Variants in CLEC10A observed in about 807,000 individuals in gnomAD.
CLEC10A encodes C-type lectin domain family 10 member A.
CLEC10A carries 38 observed loss-of-function variants against 42.0 expected under a neutral mutation model. The observed-to-expected ratio is 0.90, with a 90% confidence interval of 0.70 to 1.18. The LOEUF is 1.18. Among genes scored for constraint, CLEC10A ranks in the 50% most tolerant of loss-of-function variants. The probability of loss-of-function intolerance (pLI) is 0.00; values close to 1 mark genes in which losing one functional copy is unlikely to be tolerated. For synonymous variants in CLEC10A, 126 were observed against 139.9 expected (o/e 0.90, Z 0.70); for missense variants, 298 against 345.9 (o/e 0.86, Z 1.10).
At chr17:7,076,578 C>T (rs448797) in intron 5 of CLEC10A, among the ~76,000 whole-genome samples, 155 bp downstream of exon 5, 1 of 151,952 alleles carries the variant, frequency 6.6e-6, no homozygotes, top group African/African-American at 2.4e-5. Flanking sequence ...TCCCAAACTG[C>T]TGGGATTACA....
rs372897858 is a variant in CLEC10A at position 7,076,741 on chromosome 17, C to T, written c.344G>A (p.Arg115Gln). 17 of 1,613,484 alleles carry T rather than the reference C, an allele frequency of 1.1e-5. No individual in the cohort carries two copies. The highest frequency in any genetic ancestry group is 2.2e-5 in the South Asian group (2 of 91,038). Residue 115 changes from arginine (R) to glutamine (Q), a missense_variant, in exon 5 of 9, where the codon CGG (arginine) becomes CAG (glutamine). Physicochemically the swap from Arg to Gln is conservative, Grantham distance 43. Coordinates refer to ENST00000416562, the MANE Select transcript of CLEC10A (RefSeq NM_001330070.2). ...CTCGGAGGGTCTCTCACCTGCCTGCCGTTCCTGCTTGAAACCCTCCACCTC... is the reference window on the plus strand; with the variant it reads ...CTCGGAGGGTCTCTCACCTGCCTGCTGTTCCTGCTTGAAACCCTCCACCTC... ...KAEVEGFKQERQAVHSEMLLR... is the reference protein window; with the variant it reads ...KAEVEGFKQEQQAVHSEMLLR...
chr17:7,074,960 T>C lies in CLEC10A; in HGVS notation c.*94A>G. On this transcript the variant is annotated 3_prime_UTR_variant, in exon 9 of 9. Coordinates refer to ENST00000416562, the MANE Select transcript of CLEC10A (RefSeq NM_001330070.2). ...GCAGTGCTTCCAATCTCCCAGTGCT[T>C]ATTTCTCTCCCAGAGCGGTCTTGCG... 2 of 1,042,450 alleles carry C rather than the reference T, an allele frequency of 1.9e-6. No individual in the cohort carries two copies. Among genetic ancestry groups the C allele is most frequent in the Non-Finnish European group, 2.6e-6 (2 of 758,282 alleles). 64.6% of individuals were successfully genotyped at this position (1,042,450 alleles called of 1,614,324 possible).
In CLEC10A at chr17:7,075,691, A is replaced by T. The variant is rs1313246095; in HGVS notation, c.594+40T>A. The T allele has an allele frequency of 2.5e-6, 4 of 1,613,714 alleles. No individual in the cohort carries two copies. The African/African-American group carries it at 5.3e-5, about 22-fold the overall frequency. ...CCAAGCTTAAGAACCATTTCCCTAA[A>T]TGGGACATGTCTTAGGAACTGAGTA... On this transcript the variant is annotated intron_variant, in intron 7 of 8. Coordinates refer to ENST00000416562, the MANE Select transcript of CLEC10A (RefSeq NM_001330070.2).
At position 7,078,745 on chromosome 17, in the gene CLEC10A, C is replaced by A; in HGVS notation, c.67+1G>T. Reference sequence around the variant, plus strand: ...TAGGAGAGTTTCCCCTTTCCTCTTACCATTTTTAAACCCCTGGACTTTCAC... The same window carrying A: ...TAGGAGAGTTTCCCCTTTCCTCTTAACATTTTTAAACCCCTGGACTTTCAC... On this transcript the variant is annotated splice_donor_variant, in intron 2 of 8. Transcript: ENST00000416562. LOFTEE classifies it high-confidence loss of function. 1 of 1,613,822 alleles carries A rather than the reference C, an allele frequency of 6.2e-7. No individual in the cohort carries two copies. The highest frequency in any genetic ancestry group is 2.2e-5 in the East Asian group (1 of 44,886).
At chr17:7,077,366 T>C (rs1396643695) in intron 3 of CLEC10A, among the ~76,000 whole-genome samples, 1,589 of 104,238 alleles carry the variant, frequency 0.015, no homozygotes, top group South Asian at 0.02. Flanking sequence ...ACCACTGTTC[T>C]CATCAATCAC....
intron 7 of CLEC10A, 67 bp from the exon 8 acceptor site, chr17:7,075,533 C>T: frequency 6.9e-7 from 1 of 1,445,138 alleles, no homozygotes; most frequent in Non-Finnish European, 9.5e-7. Context: ...TAGTGATTCT[C>T]AACTTTAGCT....
rs1208148556 is a variant in CLEC10A, at chr17:7,075,745, A to C, written c.580T>G (p.Ser194Ala). ...LKNAHLVVIN[S>A]REEQNFVQKY... ...GAAGCCCTCACCTGCTCCTCCCTGG[A>C]GTTGATGACCACCAGGTGGGCGTTC... The change falls in exon 7 of 9, where the codon TCC (serine) becomes GCC (alanine). Residue 194 changes from serine to alanine, a missense_variant. Physicochemically the swap from Ser to Ala is moderately conservative, Grantham distance 99 (BLOSUM62 1). This residue lies in a region of CLEC10A where 267 missense variants were observed against 289.5 expected (regional missense o/e 0.92). Coordinates refer to ENST00000416562, the MANE Select transcript of CLEC10A (RefSeq NM_001330070.2). 2.5e-6 allele frequency: 4 copies of C among 1,613,992 alleles called. No individual in the cohort carries two copies. In the African/African-American group the frequency reaches 4.0e-5, roughly 16 times the overall value.
Position 7,074,963 on chromosome 17 carries a change from T to C in CLEC10A, c.*91A>G. The C allele has an allele frequency of 9.3e-7, 1 of 1,078,708 alleles. No individual in the cohort carries two copies. 66.8% of individuals were successfully genotyped at this position (1,078,708 alleles called of 1,614,324 possible). A position where few individuals can be genotyped will look rare whatever the true frequency, so the allele number is the denominator to read the frequency against. On this transcript the variant is annotated 3_prime_UTR_variant, in exon 9 of 9. Coordinates refer to ENST00000416562, the MANE Select transcript of CLEC10A (RefSeq NM_001330070.2). ...GTGCTTCCAATCTCCCAGTGCTTATTTCTCTCCCAGAGCGGTCTTGCGAGG... is the reference window on the plus strand; with the variant it reads ...GTGCTTCCAATCTCCCAGTGCTTATCTCTCTCCCAGAGCGGTCTTGCGAGG...
At chr17:7,079,821 G>T (rs1912069940) in intron 1 of CLEC10A, among the ~76,000 whole-genome samples, 1 of 151,948 alleles carries the variant, frequency 6.6e-6, no homozygotes, top group South Asian at 2.1e-4. Context: ...AGATTCTCCT[G>T]CCTCAGCTCC....
At chr17:7,075,496 CT>C in intron 7 of CLEC10A, 30 bp from the exon 8 acceptor site, 5 of 1,515,688 alleles carry the variant, frequency 3.3e-6, no homozygotes, top group Non-Finnish European at 4.5e-6. Flanking sequence ...GTGGTGACTT[CT>C]TCCCATCCCA....
chr17:7,076,035 A>G lies in CLEC10A; in HGVS notation c.389T>C (p.Val130Ala). 1 of 1,614,186 alleles carries G rather than the reference A, an allele frequency of 6.2e-7. No individual in the cohort carries two copies. Among genetic ancestry groups the G allele is most frequent in the Non-Finnish European group, 8.5e-7 (1 of 1,180,028 alleles). Residue 130 changes from valine to alanine, a missense_variant, in exon 6 of 9, where the codon GTG becomes GCG. Val to Ala is a moderately conservative substitution (Grantham distance 64, BLOSUM62 0). Transcript: ENST00000416562. ...SEMLLRVQQL[V>A]QDLKKLTCQV... ...GCAGGTCAGTTTCTTCAGGTCTTGC[A>G]CCAGCTGCTGGACTCGCAGGAGCAT...
At chr17:7,076,456 G>A (rs1055708932) in intron 5 of CLEC10A, among the ~76,000 whole-genome samples, 3 of 151,364 alleles carry the variant, frequency 2.0e-5, no homozygotes, top group East Asian at 3.9e-4. Context: ...GATTACAGGC[G>A]CCCACCACCA....
At position 7,075,473 on chromosome 17, in the gene CLEC10A, T is replaced by G. The variant is rs746792236; in HGVS notation, c.595-7A>C. The G allele has an allele frequency of 5.9e-6, 9 of 1,530,366 alleles. No homozygotes were observed. Among genetic ancestry groups the G allele is most frequent in the Non-Finnish European group, 7.9e-6 (9 of 1,140,992 alleles). The allele number at this position is 1,530,366 out of a possible 1,614,324, so 94.8% of individuals were successfully genotyped here. ...GATATTTCTGGACAAAATTCTGCGGTGACAGAAGGGCAGTGGTGACTTCTT... is the reference window on the plus strand; with the variant it reads ...GATATTTCTGGACAAAATTCTGCGGGGACAGAAGGGCAGTGGTGACTTCTT... On this transcript the variant is annotated splice_region_variant and splice_polypyrimidine_tract_variant and intron_variant, in intron 7 of 8. Transcript: ENST00000416562.
chr17:7,079,582 C>CA (rs903689605), intron 1 of CLEC10A, among the ~76,000 whole-genome samples: 7 of 148,034 alleles, frequency 4.7e-5, no homozygotes, highest in East Asian at 3.9e-4. Context: ...GACTCAGTCT[C>CA]AAAAAAAAAG....
Position 7,075,434 on chromosome 17 carries a change from G to A in CLEC10A, c.627C>T (p.Tyr209=), listed in dbSNP as rs759724775. The A allele has an allele frequency of 5.9e-6, 9 of 1,529,256 alleles. No individual in the cohort carries two copies. The highest frequency in any genetic ancestry group is 2.2e-5 in the Admixed American group (1 of 45,796). 94.7% of individuals were successfully genotyped at this position (1,529,256 alleles called of 1,614,324 possible). ...CAGGGTCACTGAGGCCCATCCAGGT[G>A]TATGCGGAGCCTAGATATTTCTGGA... ...NFVQKYLGSA[Y]TWMGLSDPEG... is the part of the protein sequence containing the mutation. The change falls in exon 8 of 9, where the codon TAC becomes TAT. Residue 209 remains tyrosine (Y), a synonymous_variant. Coordinates refer to ENST00000416562, the MANE Select transcript of CLEC10A (RefSeq NM_001330070.2).
At chr17:7,076,307 C>CTTTTTTTT (rs1206807036) in intron 5 of CLEC10A, among the ~76,000 whole-genome samples, 60 of 121,106 alleles carry the variant, frequency 5.0e-4, no homozygotes, top group East Asian at 7.3e-4. Flanking sequence ...TTCTTTCTTT[C>CTTTTTTTT]TTTTTTTTTT....
intron 5 of CLEC10A, among the ~76,000 whole-genome samples, chr17:7,076,312 T>C (rs1323930140): frequency 0.019 from 2,702 of 144,648 alleles, 24 homozygotes; most frequent in Non-Finnish European, 0.024. Flanking sequence ...TCTTTCTTTT[T>C]TTTTTTTTTT....
chr17:7,079,264 C>T (rs1912041000), intron 1 of CLEC10A, among the ~76,000 whole-genome samples: 1 of 151,998 alleles, frequency 6.6e-6, no homozygotes, highest in African/African-American at 2.4e-5. Context: ...CAAGTTGATT[C>T]TGGGGTTGGG....
Position 7,075,343 on chromosome 17 carries a change from A to C in CLEC10A, c.701+17T>G. Reference sequence around the variant, plus strand: ...GCTGACGGAGGACATTGGCACAGAAAGCCAGGGTGCACTCACTGGAAGCCG... The same window carrying C: ...GCTGACGGAGGACATTGGCACAGAACGCCAGGGTGCACTCACTGGAAGCCG... On this transcript the variant is annotated intron_variant, in intron 8 of 8. Coordinates refer to ENST00000416562, the MANE Select transcript of CLEC10A (RefSeq NM_001330070.2). 1 of 1,511,700 alleles carries C rather than the reference A, an allele frequency of 6.6e-7. No homozygotes were observed. 93.6% of individuals were successfully genotyped at this position (1,511,700 alleles called of 1,614,324 possible). A position where few individuals can be genotyped will look rare whatever the true frequency, so the allele number is the denominator to read the frequency against.
Sources: allele counts gnomAD v4.1 joint callset (sites outside exome capture counted in the v4.1 genomes callset), GRCh38; gene constraint gnomAD v4.1.1; regional missense constraint gnomAD v4.1.1; transcripts MANE v1.5; gene names NCBI Gene and HGNC (gene_info 2026-07-23, HGNC 2026-07-21).